Variants in CDC42BPA observed in about 807,000 individuals in gnomAD.
The protein encoded by CDC42BPA is CDC42 binding protein kinase alpha.
Under a neutral mutation model 223.5 loss-of-function variants are expected in CDC42BPA, and 80 were observed. That is an observed-to-expected ratio of 0.36 (90% CI 0.30 to 0.43). The LOEUF (loss-of-function observed/expected upper bound fraction) is 0.43. CDC42BPA is among the 20% of genes least tolerant of loss of function. The probability of loss-of-function intolerance (pLI) is 1.00; values close to 1 mark genes in which losing one functional copy is unlikely to be tolerated. For synonymous variants in CDC42BPA, 694 were observed against 718.6 expected (o/e 0.97, Z 0.55); for missense variants, 1,743 against 2,099.9 (o/e 0.83, Z 3.32).
chr1:227,143,198 A>C (rs1245111050), intron 8 of CDC42BPA, among the ~76,000 whole-genome samples, 174 bp from the exon 9 acceptor site: 1 of 152,212 alleles, frequency 6.6e-6, no homozygotes, highest in Non-Finnish European at 1.5e-5. Context: ...GACCATGAAC[A>C]CTGCTACTCT....
In CDC42BPA at chr1:227,160,596, G is replaced by A; in HGVS notation, c.640C>T (p.His214Tyr). ...GAACCAAAATCTGCTAACCGAATAT[G>A]TCCATTCATATCCATCAGTATATTG... is the stretch of plus-strand genomic sequence containing the variant. ...PDNILMDMNG[H>Y]IRLADFGSCL... Residue 214 changes from histidine to tyrosine, a missense_variant, in exon 6 of 37, where the codon CAT becomes TAT. By Grantham distance (83) the His-to-Tyr change is moderately conservative. Coordinates refer to ENST00000366766, the MANE Select transcript of CDC42BPA (RefSeq NM_001394014.1). The A allele has an allele frequency of 1.9e-6, 3 of 1,607,676 alleles. No individual in the cohort carries two copies. Among genetic ancestry groups the A allele is most frequent in the Non-Finnish European group, 2.6e-6 (3 of 1,174,616 alleles).
chr1:227,312,786 T>A (rs181324662), intron 1 of CDC42BPA, among the ~76,000 whole-genome samples: 1 of 137,264 alleles, frequency 7.3e-6, no homozygotes, highest in Non-Finnish European at 1.6e-5. Context: ...GGGGGCAGAC[T>A]TCCCCTTTGT....
chr1:227,164,923 AC>A (rs545708455), intron 5 of CDC42BPA, among the ~76,000 whole-genome samples: 15 of 152,224 alleles, frequency 9.9e-5, no homozygotes, highest in Non-Finnish European at 2.1e-4. Context: ...TGAGAGAAAG[AC>A]AGGTTTTAGG....
intron 34 of CDC42BPA, 30 bp from the exon 35 acceptor site, chr1:227,005,141 T>C (rs774864122): frequency 7.5e-6 from 11 of 1,475,880 alleles, no homozygotes; most frequent in Admixed American, 1.7e-5. Context: ...AGACATCCTT[T>C]AGCCAGAAAG....
intron 1 of CDC42BPA, among the ~76,000 whole-genome samples, chr1:227,291,191 C>A (rs137954730): frequency 3.1e-4 from 47 of 152,188 alleles, no homozygotes; most frequent in Admixed American, 1.9e-3. Flanking sequence ...CCCTCCTCCC[C>A]ACCTGAACAA....
chr1:227,263,593 T>C (rs1684475607), intron 1 of CDC42BPA, among the ~76,000 whole-genome samples: 1 of 151,620 alleles, frequency 6.6e-6, no homozygotes, highest in Non-Finnish European at 1.5e-5. Flanking sequence ...TTTTTTTTTT[T>C]TTTTTTTGAA....
intron 2 of CDC42BPA, among the ~76,000 whole-genome samples, chr1:227,227,003 C>T (rs1266974126): frequency 6.6e-6 from 1 of 151,966 alleles, no homozygotes; most frequent in Non-Finnish European, 1.5e-5. Context: ...CTCAAGGAGT[C>T]AAGAGAGCTA....
At chr1:227,021,630 T>C (rs1314663183) in intron 32 of CDC42BPA, among the ~76,000 whole-genome samples, 3 of 151,662 alleles carry the variant, frequency 2.0e-5, no homozygotes, top group Non-Finnish European at 4.4e-5. Context: ...CCAACAAAAA[T>C]AATCACAGAA....
intron 5 of CDC42BPA, among the ~76,000 whole-genome samples, chr1:227,167,756 TAGTA>T (rs922261950): frequency 1.3e-5 from 2 of 152,204 alleles, no homozygotes; most frequent in African/African-American, 4.8e-5. Context: ...GTGAAGAAAT[TAGTA>T]AGAATAAAAA....
intron 5 of CDC42BPA, among the ~76,000 whole-genome samples, chr1:227,164,214 A>G (rs1664610987): frequency 6.6e-6 from 1 of 152,198 alleles, no homozygotes; most frequent in African/African-American, 2.4e-5. Flanking sequence ...TCTTAATTAT[A>G]AAATAATGAG....
chr1:227,196,847 A>C (rs1261511882), intron 4 of CDC42BPA, among the ~76,000 whole-genome samples: 1 of 152,198 alleles, frequency 6.6e-6, no homozygotes, highest in Non-Finnish European at 1.5e-5. Context: ...GGAAACAATT[A>C]ATAAGAAAGT....
chr1:227,113,232 G>A (rs1572884567), intron 12 of CDC42BPA, among the ~76,000 whole-genome samples: 1 of 152,376 alleles, frequency 6.6e-6, no homozygotes, highest in East Asian at 1.9e-4. Context: ...ATAAATATGT[G>A]TGAGGTTGTT....
At chr1:227,058,430 G>T (rs555396128) in intron 21 of CDC42BPA, among the ~76,000 whole-genome samples, 1 of 152,108 alleles carries the variant, frequency 6.6e-6, no homozygotes, top group Non-Finnish European at 1.5e-5. Flanking sequence ...CTAAGAATTC[G>T]GAATGTAAAG....
intron 1 of CDC42BPA, among the ~76,000 whole-genome samples, chr1:227,301,756 T>G (rs1415478170): frequency 2.6e-5 from 4 of 152,252 alleles, no homozygotes; most frequent in African/African-American, 9.6e-5. Flanking sequence ...CACTTAAGAT[T>G]TAGGAAAAAC....
At chr1:227,268,501 C>T (rs570484016) in intron 1 of CDC42BPA, among the ~76,000 whole-genome samples, 12 of 151,060 alleles carry the variant, frequency 7.9e-5, no homozygotes, top group African/African-American at 1.5e-4. Flanking sequence ...GACAGACATA[C>T]CCATTAATAC....
Position 227,252,662 on chromosome 1 carries a change from T to C in CDC42BPA, c.270+1402A>G, listed in dbSNP as rs534176049. On this transcript the variant is annotated intron_variant, in intron 2 of 36. Coordinates refer to ENST00000366766, the MANE Select transcript of CDC42BPA (RefSeq NM_001394014.1). ...ACACACAAAAAGCACATGAAGTCCGTTGGTACATATAAAGGGGGTAACATA... is the reference window on the plus strand; with the variant it reads ...ACACACAAAAAGCACATGAAGTCCGCTGGTACATATAAAGGGGGTAACATA... Among the ~76,000 whole-genome samples, 34 of 152,232 alleles carry C rather than the reference T, an allele frequency of 2.2e-4. No homozygotes were observed. The East Asian group carries it at 5.2e-3, about 23-fold the overall frequency.
chr1:227,133,973 G>GAATAAATAAATAAATAAATAAATA (rs71179195), intron 10 of CDC42BPA, among the ~76,000 whole-genome samples: 369 of 146,368 alleles, frequency 2.5e-3, no homozygotes, highest in Admixed American at 5.4e-3. Context: ...AAAAATAAAT[G>GAATAAATAAATAAATAAATAAATA]AATAAATAAA....
At chr1:227,292,846 A>G (rs569026676) in intron 1 of CDC42BPA, among the ~76,000 whole-genome samples, 1 of 152,194 alleles carries the variant, frequency 6.6e-6, no homozygotes, top group African/African-American at 2.4e-5. Context: ...CCTTTGGCCC[A>G]TATTTCTCTC....
rs1206178192 is a variant in CDC42BPA at position 227,221,290 on chromosome 1, T to C, written c.271-8071A>G. On this transcript the variant is annotated intron_variant, in intron 2 of 36. Coordinates refer to ENST00000366766, the MANE Select transcript of CDC42BPA (RefSeq NM_001394014.1). ...TCTCCTTCCTGACTTATATTATCTATTCCAAAGCCTCAGTTAATACCAATA... is the reference window on the plus strand; with the variant it reads ...TCTCCTTCCTGACTTATATTATCTACTCCAAAGCCTCAGTTAATACCAATA... Among the ~76,000 whole-genome samples, 14 of 152,240 alleles carry C rather than the reference T, an allele frequency of 9.2e-5. 2 individuals carry two copies. The highest frequency in any genetic ancestry group is 9.2e-4 in the Admixed American group (14 of 15,288).
Sources: allele counts gnomAD v4.1 joint callset (sites outside exome capture counted in the v4.1 genomes callset), GRCh38; gene constraint gnomAD v4.1.1; transcripts MANE v1.5; gene names NCBI Gene and HGNC (gene_info 2026-07-23, HGNC 2026-07-21).